The following RBFOX1 variants were observed in gnomAD, a reference collection of about 807,000 sequenced individuals.
RBFOX1 encodes RNA binding protein fox-1 homolog 1.
Under a neutral mutation model 57.7 loss-of-function variants are expected in RBFOX1, and 8 were observed. That is an observed-to-expected ratio of 0.14 (90% CI 0.08 to 0.25). The LOEUF (loss-of-function observed/expected upper bound fraction) is 0.25. RBFOX1 is among the 10% of genes least tolerant of loss of function. The probability of loss-of-function intolerance (pLI) is 1.00; values close to 1 mark genes in which losing one functional copy is unlikely to be tolerated. For missense variants in RBFOX1, 611 were observed against 548.5 expected (o/e 1.11, Z -1.14); for synonymous variants, 326 against 222.4 (o/e 1.47, Z -4.15).
At chr16:6,155,281 A>T (rs1390894551) in intron 1 of RBFOX1, among the ~76,000 whole-genome samples, 2 of 152,214 alleles carry the variant, frequency 1.3e-5, no homozygotes, top group African/African-American at 2.4e-5. Flanking sequence ...TGGTGATTTC[A>T]TAATAAAACA....
At chr16:5,904,590 T>C (rs530127806) in intron 4 of RBFOX1, among the ~76,000 whole-genome samples, 1 of 151,972 alleles carries the variant, frequency 6.6e-6, no homozygotes, top group Admixed American at 6.6e-5. Flanking sequence ...TGGGCTAAGA[T>C]GTGAAATGTT....
intron 5 of RBFOX1, among the ~76,000 whole-genome samples, chr16:7,553,374 GC>G (rs2087460881): frequency 6.6e-6 from 1 of 151,982 alleles, no homozygotes; most frequent in African/African-American, 2.4e-5. Flanking sequence ...CAAACTCCTG[GC>G]CCCAAGTGAT....
Position 6,450,839 on chromosome 16 carries a change from GTATATATATATATA to G in RBFOX1, c.-64+133804_-64+133817del, listed in dbSNP as rs1202016714. Among the ~76,000 whole-genome samples, 5 of 13,610 alleles carry G rather than the reference GTATATATATATATA, an allele frequency of 3.7e-4. 1 individual carries two copies. Among genetic ancestry groups the G allele is most frequent in the East Asian group, 1.9e-3 (1 of 536 alleles). The allele number at this position is 13,610 out of a possible 152,430, so 8.9% of individuals were successfully genotyped here. Reference sequence around the variant, plus strand: ...TATACATATATATATATATATATGTGTATATATATATATATATATATATATATATATATATCTCC... The same window carrying G: ...TATACATATATATATATATATATGTGTATATATATATATATATATATCTCC... On this transcript the variant is annotated intron_variant, in intron 2 of 15. Coordinates refer to ENST00000550418, the MANE Select transcript of RBFOX1 (RefSeq NM_018723.4).
intron 5 of RBFOX1, among the ~76,000 whole-genome samples, chr16:7,563,444 T>G (rs1039193900): frequency 1.3e-5 from 2 of 152,220 alleles, no homozygotes; most frequent in South Asian, 4.1e-4. Context: ...TTGTTGTTAT[T>G]GCTATTGTTA....
intron 2 of RBFOX1, among the ~76,000 whole-genome samples, chr16:6,638,932 C>T (rs2098465250): frequency 1.3e-5 from 2 of 152,090 alleles, no homozygotes; most frequent in Non-Finnish European, 2.9e-5. Flanking sequence ...AGCAAAATGC[C>T]AAGGTCACAG....
At chr16:5,961,963 G>C (rs1441438713) in intron 4 of RBFOX1, among the ~76,000 whole-genome samples, 1 of 152,184 alleles carries the variant, frequency 6.6e-6, no homozygotes, top group Non-Finnish European at 1.5e-5. Flanking sequence ...GGTAGGCTTT[G>C]ATTAGTGTGG....
At chr16:7,587,167 T>A (rs2094173909) in intron 6 of RBFOX1, 80 bp from the exon 7 acceptor site, 2 of 1,323,672 alleles carry the variant, frequency 1.5e-6, no homozygotes, top group Non-Finnish European at 1.9e-6. Context: ...AAAATGGACG[T>A]GGGAAACAAT....
At chr16:7,496,073 T>A (rs1195496925) in intron 4 of RBFOX1, among the ~76,000 whole-genome samples, 7 of 152,126 alleles carry the variant, frequency 4.6e-5, no homozygotes, top group African/African-American at 1.7e-4. Context: ...GGGTCCACAT[T>A]CTGTCTCTAT....
At chr16:7,206,606 G>T (rs572997292) in intron 4 of RBFOX1, among the ~76,000 whole-genome samples, 1 of 152,016 alleles carries the variant, frequency 6.6e-6, no homozygotes, top group East Asian at 1.9e-4. Context: ...CAGTCATATC[G>T]TACTCAAGTT....
chr16:6,170,080 G>A (rs1055247886), intron 1 of RBFOX1, among the ~76,000 whole-genome samples: 1 of 152,106 alleles, frequency 6.6e-6, no homozygotes, highest in Non-Finnish European at 1.5e-5. Context: ...TTAGGTTGCG[G>A]TTTGTCCACA....
At chr16:5,971,123 C>T (rs1462542684) in intron 4 of RBFOX1, among the ~76,000 whole-genome samples, 1 of 152,210 alleles carries the variant, frequency 6.6e-6, no homozygotes, top group African/African-American at 2.4e-5. Flanking sequence ...CAGCTGTCAA[C>T]ACGTTTATTG....
intron 4 of RBFOX1, among the ~76,000 whole-genome samples, chr16:7,362,919 C>G (rs1284859195): frequency 3.3e-5 from 5 of 152,134 alleles, no homozygotes; most frequent in African/African-American, 1.2e-4. Context: ...CCTAACTCAG[C>G]TCTGCACTAG....
At chr16:6,468,908 C>G (rs2095111360) in intron 2 of RBFOX1, among the ~76,000 whole-genome samples, 1 of 151,912 alleles carries the variant, frequency 6.6e-6, no homozygotes, top group Non-Finnish European at 1.5e-5. Context: ...TAGTACCTAC[C>G]CACTAGTTAT....
intron 4 of RBFOX1, among the ~76,000 whole-genome samples, chr16:7,216,733 A>G (rs1186242176): frequency 6.6e-6 from 1 of 152,070 alleles, no homozygotes; most frequent in African/African-American, 2.4e-5. Context: ...TGTAATTAGC[A>G]CTCCAGAAGC....
rs774887676 is a variant in RBFOX1, at chr16:6,934,730, G to C, written c.-15-117327G>C. On this transcript the variant is annotated intron_variant, in intron 3 of 15. Transcript: ENST00000550418. The stretch of plus-strand genomic sequence containing the variant: ...TTTTCTTTAAAGGAAAAAGCTGTGA[G>C]GCCCTTTGCTTAGTTTGGAGGATCT... Among the ~76,000 whole-genome samples the C allele has an allele frequency of 1.2e-4, 19 of 152,092 alleles. 1 individual carries two copies. The highest frequency in any genetic ancestry group is 8.8e-5 in the Non-Finnish European group (6 of 68,030).
At chr16:5,956,678 A>ATATTTTTT (rs368096576) in intron 4 of RBFOX1, among the ~76,000 whole-genome samples, 1,587 of 116,366 alleles carry the variant, frequency 0.014, 31 homozygotes, top group Non-Finnish European at 0.019. Context: ...ATATATATAT[A>ATATTTTTT]TTTTTTTTGA....
intron 3 of RBFOX1, among the ~76,000 whole-genome samples, chr16:6,731,696 C>A (rs144455453): frequency 8.1e-4 from 123 of 152,168 alleles, no homozygotes; most frequent in African/African-American, 2.8e-3. Context: ...GAAAGTTTTC[C>A]CACATGACTA....
intron 2 of RBFOX1, among the ~76,000 whole-genome samples, chr16:6,598,689 T>C (rs1344856029): frequency 6.6e-6 from 1 of 152,228 alleles, no homozygotes; most frequent in Non-Finnish European, 1.5e-5. Context: ...GGCTCACGTC[T>C]GTAATCTCAG....
Position 6,316,941 on chromosome 16 carries a change from A to G in RBFOX1, c.-126-54A>G, listed in dbSNP as rs1417216631. 5 of 1,488,390 alleles carry G rather than the reference A, an allele frequency of 3.4e-6. No individual in the cohort carries two copies. The African/African-American group carries it at 5.6e-5, about 17-fold the overall frequency. 92.2% of individuals were successfully genotyped at this position (1,488,390 alleles called of 1,614,324 possible). ...TACTATGACAAAAAAAGTGCGGACAAAATTCAAGAATACATTTCTTGATAC... is the reference window on the plus strand; with the variant it reads ...TACTATGACAAAAAAAGTGCGGACAGAATTCAAGAATACATTTCTTGATAC... On this transcript the variant is annotated intron_variant, in intron 1 of 15. Coordinates refer to ENST00000550418, the MANE Select transcript of RBFOX1 (RefSeq NM_018723.4).
Sources: allele counts gnomAD v4.1 joint callset (sites outside exome capture counted in the v4.1 genomes callset), GRCh38; gene constraint gnomAD v4.1.1; transcripts MANE v1.5; gene names NCBI Gene and HGNC (gene_info 2026-07-23, HGNC 2026-07-21).